The following UCK1 variants were observed in gnomAD, a reference collection of about 807,000 sequenced individuals.
The protein encoded by UCK1 is uridine-cytidine kinase 1.
In UCK1, 20 loss-of-function variants were observed where a neutral mutation model predicts 34.0. The ratio of observed to expected loss-of-function variants is 0.59; its 90% CI spans 0.41 to 0.86. The LOEUF (loss-of-function observed/expected upper bound fraction) is 0.86. Ranked by LOEUF, UCK1 falls within the 40% of genes least tolerant of loss-of-function variation. The pLI is 0.00. For synonymous variants in UCK1, 168 were observed against 155.9 expected (o/e 1.08, Z -0.58); for missense variants, 343 against 383.6 (o/e 0.89, Z 0.88).
chr9:131,524,978 C>A lies in UCK1; in HGVS notation c.*62G>T, dbSNP rs1950527336. 1 of 1,560,218 alleles carries A rather than the reference C, an allele frequency of 6.4e-7. No homozygotes were observed. Among genetic ancestry groups the A allele is most frequent in the South Asian group, 1.2e-5 (1 of 84,906 alleles). ...AAGCAGTGGGTGTGGGTGGGCGTCC[C>A]CAGGCTCAGTCCCTGAACACACATG... On this transcript the variant is annotated 3_prime_UTR_variant, in exon 7 of 7. Transcript: ENST00000372215.
At position 131,529,266 on chromosome 9, in the gene UCK1, G is replaced by C; in HGVS notation, c.370C>G (p.Pro124Ala). The change falls in exon 4 of 7, where the codon CCA becomes GCA. Residue 124 changes from proline to alanine, a missense_variant. Coordinates refer to ENST00000372215, the MANE Select transcript of UCK1 (RefSeq NM_031432.5). ...GCAGGGTAGACCACCGTGGTCTCTG[G>C]TAACCTGAGGGGCGCACGGGGAAAG... ...TYDFVTHSRLPETTVVYPADV... is the reference protein window; with the variant it reads ...TYDFVTHSRLAETTVVYPADV... 1 of 1,614,150 alleles carries C rather than the reference G, an allele frequency of 6.2e-7. No homozygotes were observed. The highest frequency in any genetic ancestry group is 1.1e-5 in the South Asian group (1 of 91,076).
chr9:131,530,346 C>G, intron 2 of UCK1, 140 bp downstream of exon 2: 3 of 1,007,378 alleles, frequency 3.0e-6, no homozygotes, highest in Non-Finnish European at 3.0e-6. Flanking sequence ...GTGCAGCCAA[C>G]TCCACTGCAG....
Position 131,529,116 on chromosome 9 carries a change from C to T in UCK1, c.508+12G>A, listed in dbSNP as rs374942954. ...TCGGCCAGGCAGGCACGGAGGCCCG[C>T]GGCCGCCTTACCTCTTCGAGACAGC... On this transcript the variant is annotated intron_variant, in intron 4 of 6. Transcript: ENST00000372215. 8 of 1,613,370 alleles carry T rather than the reference C, an allele frequency of 5.0e-6. No individual in the cohort carries two copies. Among genetic ancestry groups the T allele is most frequent in the African/African-American group, 2.7e-5 (2 of 74,910 alleles).
Position 131,531,123 on chromosome 9 carries a change from G to A in UCK1, c.52C>T (p.Arg18Cys). 6.9e-7 allele frequency: 1 copy of A among 1,451,892 alleles called. No individual in the cohort carries two copies. The highest frequency in any genetic ancestry group is 9.0e-7 in the Non-Finnish European group (1 of 1,105,920). The allele number at this position is 1,451,892 out of a possible 1,614,324, so 89.9% of individuals were successfully genotyped here. ...DCESPAPEAD[R>C]PHQRPFLIGV... ...ATCAGGAAGGGCCGCTGGTGCGGAC[G>A]GTCGGCCTCCGGCGCGGGGCTCTCG... Residue 18 changes from arginine (R) to cysteine (C), a missense_variant, in exon 1 of 7, where the codon CGT becomes TGT. By Grantham distance (180) the Arg-to-Cys change is radical. Coordinates refer to ENST00000372215, the MANE Select transcript of UCK1 (RefSeq NM_031432.5).
rs557357112 is a variant in UCK1, at chr9:131,530,571, G to C, written c.183C>G (p.Ile61Met). 2 of 1,614,248 alleles carry C rather than the reference G, an allele frequency of 1.2e-6. No homozygotes were observed. The change falls in exon 2 of 7, where the codon ATC (isoleucine) becomes ATG (methionine). Residue 61 changes from isoleucine to methionine, a missense_variant. Ile to Met is a conservative substitution (Grantham distance 10). Transcript: ENST00000372215. ...CCTTGTAGAACCTGTCCTGGCTCAG[G>C]ATGACCACCTTCCGCTGCCGCTGTT... The part of the protein sequence containing the change: ...EVEQRQRKVV[I>M]LSQDRFYKVL...
intron 4 of UCK1, 43 bp downstream of exon 4, chr9:131,529,085 C>T: frequency 6.2e-7 from 1 of 1,613,432 alleles, no homozygotes; most frequent in Non-Finnish European, 8.5e-7. Context: ...GGACCTGCCG[C>T]CAGCCTCGGC....
rs376780481 is a variant in UCK1 at position 131,524,906 on chromosome 9, G to A, written c.*134C>T. 32 of 1,078,018 alleles carry A rather than the reference G, an allele frequency of 3.0e-5. No individual in the cohort carries two copies. The highest frequency in any genetic ancestry group is 2.2e-4 in the African/African-American group (14 of 63,132). 66.8% of individuals were successfully genotyped at this position (1,078,018 alleles called of 1,614,324 possible). On this transcript the variant is annotated 3_prime_UTR_variant, in exon 7 of 7. Transcript: ENST00000372215. ...GACACATCTGAGTTTCCACTCCTGA[G>A]TGAGGAAGGCCTCGCTGCTAACACT... is the stretch of plus-strand genomic sequence containing the variant.
At position 131,529,052 on chromosome 9, in the gene UCK1, G is replaced by C; in HGVS notation, c.509-14C>G. 1 of 1,613,888 alleles carries C rather than the reference G, an allele frequency of 6.2e-7. No individual in the cohort carries two copies. The highest frequency in any genetic ancestry group is 8.5e-7 in the Non-Finnish European group (1 of 1,179,960). ...CGTCCCGGAGAACTGCAGCGGCAAG[G>C]GGCAGGCGTGCTTCAGACCTCAGGA... On this transcript the variant is annotated splice_polypyrimidine_tract_variant and intron_variant, in intron 4 of 6. Coordinates refer to ENST00000372215, the MANE Select transcript of UCK1 (RefSeq NM_031432.5).
chr9:131,527,017 C>T lies in UCK1; in HGVS notation c.604-1040G>A, dbSNP rs562556708. On this transcript the variant is annotated intron_variant, in intron 5 of 6. Coordinates refer to ENST00000372215, the MANE Select transcript of UCK1 (RefSeq NM_031432.5). The stretch of plus-strand genomic sequence containing the variant: ...GGTGAAGGAAAAGGAGGCTCAAGAA[C>T]GGCTCTGGGTGGGGCTGGGGCCGGG... 3.5e-4 allele frequency among the ~76,000 whole-genome samples: 53 copies of T among 152,252 alleles called. No homozygotes were observed. In the East Asian group the frequency reaches 9.3e-3, roughly 27 times the overall value.
chr9:131,530,824 C>T, intron 1 of UCK1, 179 bp from the exon 2 acceptor site: 1 of 1,198,080 alleles, frequency 8.3e-7, no homozygotes, highest in Non-Finnish European at 1.2e-6. Flanking sequence ...GGGGTTAGCA[C>T]GGACTTGGGG....
intron 5 of UCK1, among the ~76,000 whole-genome samples, chr9:131,527,257 G>A (rs1950643563): frequency 6.6e-6 from 1 of 152,138 alleles, no homozygotes; most frequent in African/African-American, 2.4e-5. Flanking sequence ...GAGAGTGGAA[G>A]GTGGAGGCTG....
chr9:131,528,676 C>T (rs753562085), intron 5 of UCK1: 12 of 525,300 alleles, frequency 2.3e-5, no homozygotes, highest in South Asian at 1.5e-4. Context: ...TGAATGGGGA[C>T]GCTGGGCAAG....
intron 6 of UCK1, 24 bp downstream of exon 6, chr9:131,525,905 C>T (rs370276477): frequency 1.9e-6 from 3 of 1,612,242 alleles, no homozygotes; most frequent in Non-Finnish European, 2.5e-6. Flanking sequence ...GGCGGGGGGA[C>T]AGCCCAGCAG....
chr9:131,529,927 T>C (rs1950765409), intron 2 of UCK1, among the ~76,000 whole-genome samples: 1 of 152,228 alleles, frequency 6.6e-6, no homozygotes, highest in South Asian at 2.1e-4. Context: ...CTGGTTAGAC[T>C]GCGGCTTTGC....
chr9:131,527,383 A>G (rs6597503), intron 5 of UCK1, among the ~76,000 whole-genome samples: 146,171 of 152,270 alleles, frequency 0.96, 70,315 homozygotes, highest in East Asian at 1. Flanking sequence ...CTGGGCCCAG[A>G]ACATAGCAGG....
intron 5 of UCK1, among the ~76,000 whole-genome samples, chr9:131,528,052 T>C (rs1365104568): frequency 6.6e-6 from 1 of 152,084 alleles, no homozygotes; most frequent in Non-Finnish European, 1.5e-5. Context: ...CGTACGCCTG[T>C]AATCCCAGCT....
At chr9:131,528,408 G>A (rs1353404648) in intron 5 of UCK1, among the ~76,000 whole-genome samples, 1 of 152,164 alleles carries the variant, frequency 6.6e-6, no homozygotes, top group Non-Finnish European at 1.5e-5. Context: ...CGAGCCAGCT[G>A]GGATCTGGGC....
At chr9:131,529,397 G>C (rs2296956) in intron 3 of UCK1, 91 bp downstream of exon 3, 567,936 of 1,598,582 alleles carry the variant, frequency 0.36, 106,340 homozygotes, top group East Asian at 0.58. Context: ...AACCAACCGG[G>C]GGAGGCCTGC....
At position 131,530,482 on chromosome 9, in the gene UCK1, T is replaced by G; in HGVS notation, c.268+4A>C. The G allele has an allele frequency of 1.9e-6, 3 of 1,613,804 alleles. No homozygotes were observed. The highest frequency in any genetic ancestry group is 1.7e-6 in the Non-Finnish European group (2 of 1,179,662). On this transcript the variant is annotated splice_donor_region_variant and intron_variant, in intron 2 of 6. Coordinates refer to ENST00000372215, the MANE Select transcript of UCK1 (RefSeq NM_031432.5). ...CTCCCCACATCGTTGGGCTCGCGAT[T>G]TACCTGGATGGTCAAAATTGTACTG... is the stretch of plus-strand genomic sequence containing the variant.
Sources: allele counts gnomAD v4.1 joint callset (sites outside exome capture counted in the v4.1 genomes callset), GRCh38; gene constraint gnomAD v4.1.1; transcripts MANE v1.5; gene names NCBI Gene and HGNC (gene_info 2026-07-23, HGNC 2026-07-21).